Variants in SPECC1 observed in about 807,000 individuals in gnomAD.
SPECC1 encodes the protein cytospin-B.
SPECC1 carries 62 observed loss-of-function variants against 104.1 expected under a neutral mutation model. The ratio of observed to expected loss-of-function variants is 0.60; its 90% CI spans 0.49 to 0.74. SPECC1 has a LOEUF of 0.74. Among genes scored for constraint, SPECC1 ranks in the 30% least tolerant of loss-of-function variants. The probability of loss-of-function intolerance (pLI) is 0.00; values close to 1 mark genes in which losing one functional copy is unlikely to be tolerated. For synonymous variants in SPECC1, 513 were observed against 501.6 expected, an observed-to-expected ratio of 1.02 and a Z score of -0.30; for missense variants, 1,306 against 1,310.5, an observed-to-expected ratio of 1.00 and a Z score of 0.05.
intron 3 of SPECC1, among the ~76,000 whole-genome samples, chr17:20,127,654 C>T (rs1173978772): frequency 6.6e-6 from 1 of 152,062 alleles, no homozygotes; most frequent in East Asian, 1.9e-4. Context: ...AAAATTTTTG[C>T]ATTATCTGGG....
At chr17:20,029,595 C>T (rs902208019) in intron 1 of SPECC1, among the ~76,000 whole-genome samples, 5 of 152,170 alleles carry the variant, frequency 3.3e-5, no homozygotes, top group African/African-American at 1.2e-4. Context: ...AATTCAGTCT[C>T]TTCCCTTGTT....
At chr17:20,208,058 C>G (rs1300446769) in intron 4 of SPECC1, among the ~76,000 whole-genome samples, 6 of 152,114 alleles carry the variant, frequency 3.9e-5, no homozygotes, top group African/African-American at 1.4e-4. Flanking sequence ...AATCTGGAAT[C>G]TTCTGGAATA....
chr17:20,059,427 G>A (rs755913870), intron 1 of SPECC1, among the ~76,000 whole-genome samples: 1 of 152,068 alleles, frequency 6.6e-6, no homozygotes, highest in Non-Finnish European at 1.5e-5. Flanking sequence ...GGTAATGCTC[G>A]CTTGCCTATT....
intron 3 of SPECC1, among the ~76,000 whole-genome samples, chr17:20,185,388 G>A (rs1462767315): frequency 6.6e-6 from 1 of 152,156 alleles, no homozygotes; most frequent in Non-Finnish European, 1.5e-5. Context: ...CTTGTGCTTG[G>A]AGCCGTGAGC....
intron 3 of SPECC1, among the ~76,000 whole-genome samples, chr17:20,181,281 TAAAGA>T (rs2034868460): frequency 6.6e-6 from 1 of 150,412 alleles, no homozygotes; most frequent in South Asian, 2.1e-4. Context: ...AAGTACAAAA[TAAAGA>T]GAAAGGTAAA....
intron 3 of SPECC1, among the ~76,000 whole-genome samples, chr17:20,153,349 G>C (rs1486089156): frequency 6.6e-6 from 1 of 152,126 alleles, no homozygotes; most frequent in Non-Finnish European, 1.5e-5. Flanking sequence ...GAAGGACCTT[G>C]GTATACTAAG....
At chr17:20,187,024 G>C (rs112063863) in intron 3 of SPECC1, among the ~76,000 whole-genome samples, 1 of 151,990 alleles carries the variant, frequency 6.6e-6, no homozygotes, top group Non-Finnish European at 1.5e-5. Flanking sequence ...CTTGGGACCA[G>C]ATGTGTTTTG....
intron 1 of SPECC1, among the ~76,000 whole-genome samples, chr17:20,031,090 G>C (rs1344410603): frequency 6.6e-6 from 1 of 152,036 alleles, no homozygotes; most frequent in Non-Finnish European, 1.5e-5. Flanking sequence ...TGCCTCCTGG[G>C]TTCAAGCAAT....
Position 20,205,080 on chromosome 17 carries a change from C to T in SPECC1, c.1031C>T (p.Ser344Phe). 6.2e-7 allele frequency: 1 copy of T among 1,614,194 alleles called. No individual in the cohort carries two copies. The highest frequency in any genetic ancestry group is 8.5e-7 in the Non-Finnish European group (1 of 1,180,028). Residue 344 changes from serine (S) to phenylalanine (F), a missense_variant, in exon 4 of 15, where the codon TCC becomes TTC. Around this residue, in one of 2 missense-constraint regions of SPECC1, gnomAD observed 1,177 missense variants for 1,139.9 expected, o/e 1.03. Coordinates refer to ENST00000395527, the MANE Select transcript of SPECC1 (RefSeq NM_001243439.2). ...GCAGAGACACCCTCAAGGCCCCTGT[C>T]CTCCACCAGTAACCCCTTTAAGAGT... is the stretch of plus-strand genomic sequence containing the variant. ...ITAETPSRPL[S>F]STSNPFKSSK...
intron 12 of SPECC1, among the ~76,000 whole-genome samples, chr17:20,283,300 G>A (rs1184467111): frequency 1.3e-5 from 2 of 152,234 alleles, no homozygotes; most frequent in East Asian, 1.9e-4. Context: ...GCTTTCCGCT[G>A]CCAGAGATGT....
chr17:20,228,061 A>G (rs1001311251), intron 5 of SPECC1, among the ~76,000 whole-genome samples: 9 of 152,204 alleles, frequency 5.9e-5, no homozygotes, highest in Non-Finnish European at 4.4e-5. Context: ...CCTAAGAAAC[A>G]ATCATTAATC....
intron 3 of SPECC1, among the ~76,000 whole-genome samples, chr17:20,148,781 G>A (rs1024050563): frequency 2.6e-5 from 4 of 151,874 alleles, no homozygotes; most frequent in East Asian, 1.9e-4. Flanking sequence ...GTGCAGTGGC[G>A]CGTTCTCGGC....
intron 10 of SPECC1, among the ~76,000 whole-genome samples, chr17:20,253,856 A>G (rs112627913): frequency 5.3e-5 from 8 of 151,540 alleles, no homozygotes; most frequent in African/African-American, 7.3e-5. Flanking sequence ...TTTCAGAGAC[A>G]TGGTCTTGCT....
At chr17:20,130,423 T>G (rs1354603565) in intron 3 of SPECC1, among the ~76,000 whole-genome samples, 2 of 152,160 alleles carry the variant, frequency 1.3e-5, no homozygotes, top group African/African-American at 4.8e-5. Flanking sequence ...TGGTCCCAGC[T>G]ACTTGAGATG....
chr17:20,297,155 G>A, intron 13 of SPECC1, 78 bp downstream of exon 13: 1 of 1,253,310 alleles, frequency 8.0e-7, no homozygotes, highest in Non-Finnish European at 1.1e-6. Flanking sequence ...CTGTGGGAGG[G>A]GGCTTACAGG....
At chr17:20,299,576 A>G (rs552880448) in intron 13 of SPECC1, among the ~76,000 whole-genome samples, 110 of 117,832 alleles carry the variant, frequency 9.3e-4, no homozygotes, top group Middle Eastern at 7.5e-3. Flanking sequence ...AAAAAAAAAA[A>G]AAAGAAAAGA....
chr17:20,080,366 G>T (rs901594134), intron 1 of SPECC1, among the ~76,000 whole-genome samples: 1 of 152,132 alleles, frequency 6.6e-6, no homozygotes, highest in African/African-American at 2.4e-5. Flanking sequence ...AGACTGCAGA[G>T]CATTTATTTA....
At chr17:20,197,328 C>T (rs1434725584) in intron 3 of SPECC1, among the ~76,000 whole-genome samples, 1 of 152,038 alleles carries the variant, frequency 6.6e-6, no homozygotes, top group African/African-American at 2.4e-5. Context: ...TGAACTTTAC[C>T]TAAGGTAACC....
rs530520316 is a variant in SPECC1, at chr17:20,075,110, C to T, written c.-21-21521C>T. ...TAAAGACAACATTTCAGCATGTTGT[C>T]CAGGCTGGCCTCAAACTCCTGACCT... On this transcript the variant is annotated intron_variant, in intron 1 of 14. Transcript: ENST00000395527. Among the ~76,000 whole-genome samples the T allele has an allele frequency of 1.2e-4, 19 of 152,276 alleles. No homozygotes were observed. In the South Asian group the frequency reaches 3.9e-3, roughly 32 times the overall value.
Sources: allele counts gnomAD v4.1 joint callset (sites outside exome capture counted in the v4.1 genomes callset), GRCh38; gene constraint gnomAD v4.1.1; regional missense constraint gnomAD v4.1.1; transcripts MANE v1.5; gene names NCBI Gene and HGNC (gene_info 2026-07-23, HGNC 2026-07-21).